Variants in FAAH2 observed in about 807,000 individuals in gnomAD.
The protein encoded by FAAH2 is fatty acid amide hydrolase 2, also known as fatty-acid amide hydrolase 2.
FAAH2 carries 60 observed loss-of-function variants against 36.9 expected under a neutral mutation model. That is an observed-to-expected ratio of 1.63 (90% confidence interval 1.32 to 2.02). The LOEUF is 2.02. FAAH2 is among the 30% of genes most tolerant of loss of function. FAAH2 has a pLI of 0.00. For missense variants in FAAH2, 689 were observed against 397.5 expected (o/e 1.73, Z -6.23); for synonymous variants, 214 against 143.8 (o/e 1.49, Z -3.49).
chrX:57,390,714 C>T (rs1748130106), intron 7 of FAAH2, among the ~76,000 whole-genome samples: 1 of 111,632 alleles, frequency 9.0e-6, no homozygotes, highest in Admixed American at 9.6e-5. Context: ...ATTTCTTTAT[C>T]CAGTCAACCA....
intron 7 of FAAH2, among the ~76,000 whole-genome samples, chrX:57,414,403 T>G (rs2055784329): frequency 8.9e-6 from 1 of 112,016 alleles, no homozygotes; most frequent in Non-Finnish European, 1.9e-5. Context: ...AATATATAGT[T>G]TATTGAGAGC....
At chrX:57,468,839 A>C (rs1311837581) in intron 10 of FAAH2, among the ~76,000 whole-genome samples, 1 of 111,802 alleles carries the variant, frequency 8.9e-6, no homozygotes, top group Non-Finnish European at 1.9e-5. Flanking sequence ...TATTAAGGGC[A>C]GCCAGAGAGA....
intron 4 of FAAH2, among the ~76,000 whole-genome samples, chrX:57,337,188 C>T (rs911442449): frequency 2.9e-5 from 3 of 103,457 alleles, no homozygotes; most frequent in Admixed American, 1.1e-4. Context: ...TTCCCAAGAC[C>T]GAACCAAGAA....
the FAAH2 span, among the ~76,000 whole-genome samples, chrX:57,157,581 T>TTTAGA: frequency 9.0e-6 from 1 of 111,299 alleles, no homozygotes; most frequent in Non-Finnish European, 1.9e-5. Context: ...GCTGCCCTGT[T>TTTAGA]TTAGATTGGG....
chrX:57,130,239 T>G, the FAAH2 span, among the ~76,000 whole-genome samples: 1 of 112,531 alleles, frequency 8.9e-6, no homozygotes, highest in Admixed American at 9.4e-5. Flanking sequence ...TGGAACATTC[T>G]AAGCAGGAGG....
chrX:57,324,248 T>TAGTA (rs2053137072), intron 3 of FAAH2, among the ~76,000 whole-genome samples: 1 of 111,854 alleles, frequency 8.9e-6, no homozygotes, highest in African/African-American at 3.2e-5. Flanking sequence ...CTGTAGCCTT[T>TAGTA]AGTATAGTTT....
chrX:57,231,328 A>T, the FAAH2 span, among the ~76,000 whole-genome samples: 2 of 110,465 alleles, frequency 1.8e-5, no homozygotes, highest in African/African-American at 6.6e-5. Flanking sequence ...AAAAGTACAG[A>T]TCTTCCTCTC....
intron 2 of FAAH2, among the ~76,000 whole-genome samples, chrX:57,299,697 C>T (rs776361166): frequency 9.0e-6 from 1 of 111,463 alleles, no homozygotes; most frequent in African/African-American, 3.3e-5. Flanking sequence ...GATTGTATAT[C>T]TAGAAAACCC....
the FAAH2 span, among the ~76,000 whole-genome samples, chrX:57,233,686 C>A: frequency 8.9e-6 from 1 of 112,405 alleles, no homozygotes; most frequent in Non-Finnish European, 1.9e-5. Flanking sequence ...ATTGCCCAGG[C>A]TGGAGTGCAG....
At chrX:57,395,146 T>C (rs2055263814) in intron 7 of FAAH2, 1 of 534,745 alleles carries the variant, frequency 1.9e-6, no homozygotes, top group Non-Finnish European at 3.5e-6. Flanking sequence ...AGAGTCTTCA[T>C]TCAAAGATAT....
the FAAH2 span, among the ~76,000 whole-genome samples, chrX:57,212,917 C>G: frequency 9.0e-6 from 1 of 111,339 alleles, no homozygotes; most frequent in Non-Finnish European, 1.9e-5. Context: ...ATTTCTTGTG[C>G]ATTTTGTAGA....
intron 7 of FAAH2, among the ~76,000 whole-genome samples, chrX:57,384,394 A>G (rs761797160): frequency 0.024 from 2,511 of 104,132 alleles, 89 homozygotes; most frequent in African/African-American, 0.079. Context: ...GGCAACCTAC[A>G]GAATGGGAGA....
the FAAH2 span, among the ~76,000 whole-genome samples, chrX:57,243,789 A>T: frequency 8.9e-6 from 1 of 111,838 alleles, no homozygotes; most frequent in African/African-American, 3.3e-5. Context: ...AAAGATAGAG[A>T]GAAACAAGCG....
At chrX:57,163,120 C>G in the FAAH2 span, among the ~76,000 whole-genome samples, 4 of 111,735 alleles carry the variant, frequency 3.6e-5, no homozygotes, top group Non-Finnish European at 5.6e-5. Flanking sequence ...ATACCCTGCC[C>G]TGTGAGGTGT....
the FAAH2 span, among the ~76,000 whole-genome samples, chrX:57,147,289 C>T: frequency 1.4e-4 from 16 of 111,594 alleles, no homozygotes; most frequent in Non-Finnish European, 2.8e-4. Flanking sequence ...ATTTAAGCTA[C>T]AAGATTTGTA....
At chrX:57,443,134 G>T (rs991374761) in intron 8 of FAAH2, among the ~76,000 whole-genome samples, 2 of 111,583 alleles carry the variant, frequency 1.8e-5, no homozygotes, top group African/African-American at 6.5e-5. Flanking sequence ...ATTCTCTGTA[G>T]TTCCTGAATT....
At chrX:57,305,525 A>G (rs1569244388) in intron 2 of FAAH2, among the ~76,000 whole-genome samples, 1 of 111,067 alleles carries the variant, frequency 9.0e-6, no homozygotes, top group South Asian at 3.8e-4. Flanking sequence ...AGTAATCTTT[A>G]TGTTTCTAGT....
chrX:57,449,462 A>G (rs2056743767), intron 10 of FAAH2, among the ~76,000 whole-genome samples: 1 of 112,173 alleles, frequency 8.9e-6, no homozygotes, highest in African/African-American at 3.2e-5. Context: ...TTTCCTATCT[A>G]GGAAGTCAGG....
the FAAH2 span, among the ~76,000 whole-genome samples, chrX:57,154,877 A>G: frequency 3.6e-5 from 4 of 110,189 alleles, no homozygotes; most frequent in Non-Finnish European, 7.6e-5. Context: ...CCTTTTATGT[A>G]GTACTCTCCT....
Sources: allele counts gnomAD v4.1 joint callset (sites outside exome capture counted in the v4.1 genomes callset), GRCh38; gene constraint gnomAD v4.1.1; transcripts MANE v1.5; gene names NCBI Gene and HGNC (gene_info 2026-07-23, HGNC 2026-07-21).